MFAP3: variants seen among roughly 807,000 people sequenced by gnomAD.
MFAP3 encodes the protein microfibril associated protein 3.
Under a neutral mutation model 20.5 loss-of-function variants are expected in MFAP3, and 8 were observed. The observed-to-expected ratio is 0.39, with a 90% CI of 0.23 to 0.70. The LOEUF is 0.70. Ranked by LOEUF, MFAP3 falls within the 30% of genes least tolerant of loss-of-function variation. MFAP3 has a pLI of 0.44. For missense variants in MFAP3, 398 were observed against 444.6 expected, an observed-to-expected ratio of 0.90 and a Z score of 0.94; for synonymous variants, 140 against 154.0, an observed-to-expected ratio of 0.91 and a Z score of 0.67.
At chr5:154,040,917 T>A (rs986413259) in intron 1 of MFAP3, among the ~76,000 whole-genome samples, 1 of 152,124 alleles carries the variant, frequency 6.6e-6, no homozygotes, top group Non-Finnish European at 1.5e-5. Context: ...TTAATAAGTT[T>A]GTAGCAGACA....
At chr5:154,043,727 A>T (rs142499614) in intron 1 of MFAP3, among the ~76,000 whole-genome samples, 1,776 of 114,752 alleles carry the variant, frequency 0.015, 44 homozygotes, top group African/African-American at 0.052. Flanking sequence ...CAGCAGGCAT[A>T]ATATATATAT....
intron 1 of MFAP3, 23 bp from the exon 2 acceptor site, chr5:154,049,534 C>G (rs758003102): frequency 1.7e-6 from 1 of 592,032 alleles, no homozygotes; most frequent in Admixed American, 3.2e-5. Context: ...GTTGGTTAAA[C>G]TTTGTATCTG....
chr5:154,040,033 C>T (rs1211361980), intron 1 of MFAP3, among the ~76,000 whole-genome samples: 1 of 152,152 alleles, frequency 6.6e-6, no homozygotes, highest in Non-Finnish European at 1.5e-5. Flanking sequence ...TGGATCATTT[C>T]CTCTGATTTT....
chr5:154,042,016 G>T (rs1432176828), intron 1 of MFAP3, among the ~76,000 whole-genome samples: 2 of 152,200 alleles, frequency 1.3e-5, no homozygotes, highest in African/African-American at 4.8e-5. Context: ...GTAGGATCAG[G>T]CACCTTAACT....
At chr5:154,041,233 CCAGAAAGATATTGACGGGAAGGGG>C (rs1365202318) in intron 1 of MFAP3, among the ~76,000 whole-genome samples, 1 of 151,882 alleles carries the variant, frequency 6.6e-6, no homozygotes, top group African/African-American at 2.4e-5. Flanking sequence ...ACAGTTTCCC[CCAGAAAGATATTGACGGGAAGGGG>C]CAGAAAGATT....
In MFAP3 at chr5:154,045,275, C is replaced by T. The variant is rs537508513; in HGVS notation, c.-166-4282C>T. Among the ~76,000 whole-genome samples the T allele has an allele frequency of 7.4e-4, 113 of 152,202 alleles. 2 individuals carry two copies. In the South Asian group the frequency reaches 0.02, roughly 27 times the overall value. ...AGGGATAGGGCTCAAAGAGGGGAGCCGTTGGGTAAGTAGATCACGACAAAT... is the reference window on the plus strand; with the variant it reads ...AGGGATAGGGCTCAAAGAGGGGAGCTGTTGGGTAAGTAGATCACGACAAAT... On this transcript the variant is annotated intron_variant, in intron 1 of 2. Coordinates refer to ENST00000522782, the MANE Select transcript of MFAP3 (RefSeq NM_005927.5).
chr5:154,047,737 G>A (rs567766428), intron 1 of MFAP3, among the ~76,000 whole-genome samples: 127 of 152,192 alleles, frequency 8.3e-4, no homozygotes, highest in Non-Finnish European at 1.1e-3. Context: ...CGATAATTTG[G>A]TTCATGGATA....
chr5:154,039,215 G>A (rs1379187420), intron 1 of MFAP3: 5 of 152,260 alleles, frequency 3.3e-5, no homozygotes, highest in African/African-American at 1.2e-4. Context: ...GGGCTCCAGG[G>A]ACACATCAGT....
chr5:154,039,076 A>G (rs1003265794), intron 1 of MFAP3, 65 bp downstream of exon 1: 16 of 152,282 alleles, frequency 1.1e-4, no homozygotes, highest in African/African-American at 3.9e-4. Flanking sequence ...CGTGAGTCGT[A>G]GCCTGTGGCT....
chr5:154,050,740 G>A (rs1423808266), intron 2 of MFAP3, among the ~76,000 whole-genome samples: 1 of 150,782 alleles, frequency 6.6e-6, no homozygotes, highest in Non-Finnish European at 1.5e-5. Context: ...CTTTTTGACA[G>A]ATTTTTATTT....
chr5:154,052,183 A>G (rs1485994365), intron 2 of MFAP3, among the ~76,000 whole-genome samples: 1 of 152,132 alleles, frequency 6.6e-6, no homozygotes, highest in East Asian at 1.9e-4. Context: ...TGAAAATGGA[A>G]GCATAGGCAT....
chr5:154,049,877 C>T lies in MFAP3; in HGVS notation c.155C>T (p.Ala52Val). 1 of 1,613,692 alleles carries T rather than the reference C, an allele frequency of 6.2e-7. No individual in the cohort carries two copies. Among genetic ancestry groups the T allele is most frequent in the Non-Finnish European group, 8.5e-7 (1 of 1,179,722 alleles). The change falls in exon 2 of 3, where the codon GCA (alanine) becomes GTA (valine). Residue 52 changes from alanine (A) to valine (V), a missense_variant. Physicochemically the swap from Ala to Val is moderately conservative, Grantham distance 64. Coordinates refer to ENST00000522782, the MANE Select transcript of MFAP3 (RefSeq NM_005927.5). ...ASFPSSFELS[A>V]SSHSDDDVII... Reference sequence around the variant, plus strand: ...TTTCCCTCAAGCTTTGAACTCTCAGCAAGTTCCCACTCGGATGATGATGTC... The same window carrying T: ...TTTCCCTCAAGCTTTGAACTCTCAGTAAGTTCCCACTCGGATGATGATGTC...
rs775956304 is a variant in MFAP3 at position 154,056,509 on chromosome 5, T to C, written c.*2796T>C. On this transcript the variant is annotated 3_prime_UTR_variant, in exon 3 of 3. Transcript: ENST00000522782. ...CTAAAAGTCTTGATGGTAACTATAG[T>C]GTAATTATCTTTTTGTCTCACTGGA... 2.0e-4 allele frequency among the ~76,000 whole-genome samples: 31 copies of C among 152,348 alleles called. No individual in the cohort carries two copies. The highest frequency in any genetic ancestry group is 1.7e-3 in the Admixed American group (26 of 15,308).
chr5:154,051,793 T>C (rs1419619662), intron 2 of MFAP3: 3 of 152,196 alleles, frequency 2.0e-5, no homozygotes, highest in Non-Finnish European at 4.4e-5. Context: ...TGCTTACTAA[T>C]TTATGTGCCA....
In MFAP3 at chr5:154,054,034, G is replaced by A; in HGVS notation, c.*321G>A. 1 of 255,040 alleles carries A rather than the reference G, an allele frequency of 3.9e-6. No individual in the cohort carries two copies. Among genetic ancestry groups the A allele is most frequent in the Non-Finnish European group, 8.1e-6 (1 of 123,348 alleles). 15.8% of individuals were successfully genotyped at this position (255,040 alleles called of 1,614,324 possible). On this transcript the variant is annotated 3_prime_UTR_variant, in exon 3 of 3. Coordinates refer to ENST00000522782, the MANE Select transcript of MFAP3 (RefSeq NM_005927.5). ...TCTGGTCACAGTTCTTCCATTGGTT[G>A]GATCTGATACTTATCTTGGGACTTC...
Position 154,039,003 on chromosome 5 carries a change from G to C in MFAP3, c.-175G>C, listed in dbSNP as rs1187796234. 1.3e-5 allele frequency: 2 copies of C among 152,478 alleles called. No homozygotes were observed. Among genetic ancestry groups the C allele is most frequent in the African/African-American group, 4.8e-5 (2 of 41,478 alleles). The allele number at this position is 152,478 out of a possible 1,614,324, so 9.4% of individuals were successfully genotyped here. A position where few individuals can be genotyped will look rare whatever the true frequency, so the allele number is the denominator to read the frequency against. On this transcript the variant is annotated 5_prime_UTR_variant, in exon 1 of 3. Transcript: ENST00000522782. ...CCGCTGAGGCCGGAAGGAGCTAGAC[G>C]GCGGTCGGGTAGGTGACGGCTTGGT...
rs1581867425 is a variant in MFAP3, at chr5:154,052,899, TC to T, written c.296-20del. On this transcript the variant is annotated intron_variant, in intron 2 of 2. Transcript: ENST00000522782. ...TAATCTTTTTGCTATAATTTTTTTT[TC>T]ATTTCTGTTCAATTATCAGGTGGAA... The T allele has an allele frequency of 1.3e-6, 2 of 1,586,200 alleles. No homozygotes were observed. Among genetic ancestry groups the T allele is most frequent in the Non-Finnish European group, 1.7e-6 (2 of 1,165,274 alleles).
intron 1 of MFAP3, among the ~76,000 whole-genome samples, chr5:154,047,472 G>T (rs1446393751): frequency 3.9e-5 from 6 of 152,178 alleles, no homozygotes; most frequent in African/African-American, 1.4e-4. Flanking sequence ...GTTAAGAAAT[G>T]AGGTGGCATT....
At chr5:154,046,502 A>G (rs1773075148) in intron 1 of MFAP3, among the ~76,000 whole-genome samples, 1 of 152,228 alleles carries the variant, frequency 6.6e-6, no homozygotes, top group South Asian at 2.1e-4. Flanking sequence ...ACAGAGCAGC[A>G]TATACCAGCG....
Sources: gnomAD v4.1 joint callset for allele counts (sites outside exome capture counted in the v4.1 genomes callset) on GRCh38, gnomAD v4.1.1 for gene constraint, MANE v1.5 for transcripts, NCBI Gene and HGNC (gene_info 2026-07-23, HGNC 2026-07-21) for gene names.